VPS13B: variants seen among roughly 807,000 people sequenced by gnomAD.
The protein encoded by VPS13B is intermembrane lipid transfer protein VPS13B.
In VPS13B, 285 loss-of-function variants were observed where a neutral mutation model predicts 426.4. That is an observed-to-expected ratio of 0.67 (90% CI 0.61 to 0.74). VPS13B has a LOEUF of 0.74. Among genes scored for constraint, VPS13B ranks in the 30% least tolerant of loss-of-function variants. The pLI is 0.00. For missense variants in VPS13B, 4,537 were observed against 4,782.6 expected (o/e 0.95, Z 1.51); for synonymous variants, 1,676 against 1,676.4 (o/e 1.00, Z 0.01).
Position 99,143,065 on chromosome 8 carries a change from T to C in VPS13B, c.1743T>C (p.Pro581=), listed in dbSNP as rs781347697. Residue 581 remains proline, a synonymous_variant, in exon 13 of 62, where the codon CCT becomes CCC. Coordinates refer to ENST00000357162, the MANE Select transcript of VPS13B (RefSeq NM_152564.5). ...EKSTKSLVIG[P]LDFRLDSSAV... ...CCACCAAAAGCCTTGTTATAGGTCCTCTTGATTTTCGTTTGGATAGCAGTG... is the reference window on the plus strand; with the variant it reads ...CCACCAAAAGCCTTGTTATAGGTCCCCTTGATTTTCGTTTGGATAGCAGTG... 6.2e-7 allele frequency: 1 copy of C among 1,614,078 alleles called. No individual in the cohort carries two copies. Among genetic ancestry groups the C allele is most frequent in the Non-Finnish European group, 8.5e-7 (1 of 1,179,964 alleles).
intron 44 of VPS13B, among the ~76,000 whole-genome samples, chr8:99,815,912 G>T (rs1408568643): frequency 6.6e-6 from 1 of 152,126 alleles, no homozygotes; most frequent in Non-Finnish European, 1.5e-5. Context: ...GTTCACTGCA[G>T]CCTTGAACTC....
chr8:99,765,373 G>A (rs73271380), intron 39 of VPS13B, among the ~76,000 whole-genome samples: 2,522 of 152,316 alleles, frequency 0.017, 64 homozygotes, highest in African/African-American at 0.058. Context: ...TATTGGTGAA[G>A]TTGAGTATCT....
chr8:99,753,487 C>T (rs1419707686), intron 39 of VPS13B, among the ~76,000 whole-genome samples: 2 of 152,180 alleles, frequency 1.3e-5, no homozygotes, highest in Non-Finnish European at 2.9e-5. Flanking sequence ...TTTGTAGTCT[C>T]ATTAAAAGAC....
At chr8:99,692,823 G>A (rs1831745694) in intron 35 of VPS13B, among the ~76,000 whole-genome samples, 1 of 146,540 alleles carries the variant, frequency 6.8e-6, no homozygotes, top group African/African-American at 2.6e-5. Context: ...AAAAAAGAGA[G>A]AAGAATCAAA....
chr8:99,839,249 T>C (rs1815553088), intron 54 of VPS13B, among the ~76,000 whole-genome samples: 1 of 152,206 alleles, frequency 6.6e-6, no homozygotes, highest in African/African-American at 2.4e-5. Context: ...CTGCTGTTTC[T>C]TCGCAAATGG....
chr8:99,070,477 T>C (rs1844797583), intron 3 of VPS13B, among the ~76,000 whole-genome samples: 1 of 152,246 alleles, frequency 6.6e-6, no homozygotes, highest in South Asian at 2.1e-4. Context: ...CTACAACTGC[T>C]TGAGATTAAG....
chr8:99,458,986 T>A (rs933798674), intron 23 of VPS13B, among the ~76,000 whole-genome samples: 1 of 152,206 alleles, frequency 6.6e-6, no homozygotes. Flanking sequence ...AGTCATGAAG[T>A]CCTTGCCCAT....
chr8:99,804,939 G>T (rs1282264224), intron 43 of VPS13B, among the ~76,000 whole-genome samples: 1 of 152,040 alleles, frequency 6.6e-6, no homozygotes, highest in African/African-American at 2.4e-5. Context: ...TTTCAAGGTT[G>T]CAGTGAGCTA....
intron 36 of VPS13B, among the ~76,000 whole-genome samples, chr8:99,703,098 A>G (rs1018553311): frequency 6.6e-6 from 1 of 152,192 alleles, no homozygotes; most frequent in Non-Finnish European, 1.5e-5. Context: ...GGGCATTCCG[A>G]ATACATTTAA....
intron 14 of VPS13B, among the ~76,000 whole-genome samples, chr8:99,151,934 T>G (rs1190931264): frequency 4.6e-5 from 7 of 152,222 alleles, no homozygotes; most frequent in Non-Finnish European, 8.8e-5. Flanking sequence ...TCTCTTACAC[T>G]TTTTCTTAGC....
chr8:99,666,649 G>A (rs983104002), intron 35 of VPS13B, among the ~76,000 whole-genome samples: 2 of 152,052 alleles, frequency 1.3e-5, no homozygotes, highest in African/African-American at 2.4e-5. Flanking sequence ...GGTATTGATG[G>A]GTCATATCTC....
rs148887301 is a variant in VPS13B at position 99,091,064 on chromosome 8, T to C, written c.292-5248T>C. On this transcript the variant is annotated intron_variant, in intron 3 of 61. Coordinates refer to ENST00000357162, the MANE Select transcript of VPS13B (RefSeq NM_152564.5). ...TTCATAACATGTTTTGCAATTTCTC[T>C]GATATATGTTCTGGCATAGTTTAAT... Among the ~76,000 whole-genome samples, 1,030 of 152,322 alleles carry C rather than the reference T, an allele frequency of 6.8e-3. 10 individuals carry two copies. Among genetic ancestry groups the C allele is most frequent in the African/African-American group, 0.021 (891 of 41,582 alleles).
intron 44 of VPS13B, among the ~76,000 whole-genome samples, chr8:99,814,793 C>T (rs1400820767): frequency 6.6e-6 from 1 of 152,058 alleles, no homozygotes; most frequent in African/African-American, 2.4e-5. Flanking sequence ...AAGGAGAGAA[C>T]AGCTATTGGG....
chr8:99,210,629 G>A (rs1434103038), intron 17 of VPS13B, among the ~76,000 whole-genome samples: 1 of 152,034 alleles, frequency 6.6e-6, no homozygotes, highest in African/African-American at 2.4e-5. Context: ...TTTTGAGACA[G>A]AGTTTTATTT....
At chr8:99,833,801 A>G (rs1393966136) in intron 52 of VPS13B, among the ~76,000 whole-genome samples, 1 of 152,266 alleles carries the variant, frequency 6.6e-6, no homozygotes, top group East Asian at 1.9e-4. Flanking sequence ...ATACTAAGCT[A>G]GATATTGGAC....
chr8:99,385,793 G>A (rs544794176), intron 20 of VPS13B, among the ~76,000 whole-genome samples: 1 of 152,166 alleles, frequency 6.6e-6, no homozygotes, highest in Non-Finnish European at 1.5e-5. Flanking sequence ...TTCTAGGAGT[G>A]AGACAGACAG....
chr8:99,830,688 G>A (rs1465078819), intron 51 of VPS13B, among the ~76,000 whole-genome samples: 1 of 152,124 alleles, frequency 6.6e-6, no homozygotes, highest in Non-Finnish European at 1.5e-5. Flanking sequence ...CTGCCCAAAT[G>A]GCCGCCTGGT....
At chr8:99,498,786 A>C (rs984614292) in intron 25 of VPS13B, among the ~76,000 whole-genome samples, 2 of 152,136 alleles carry the variant, frequency 1.3e-5, no homozygotes, top group South Asian at 2.1e-4. Flanking sequence ...AAGCTTAAGT[A>C]CTGAGCTTAA....
chr8:99,287,664 G>T (rs1373491776), intron 19 of VPS13B, among the ~76,000 whole-genome samples: 1 of 151,786 alleles, frequency 6.6e-6, no homozygotes, highest in Non-Finnish European at 1.5e-5. Flanking sequence ...ATACACCATA[G>T]GAAAATGGCC....
Sources: allele counts gnomAD v4.1 joint callset (sites outside exome capture counted in the v4.1 genomes callset), GRCh38; gene constraint gnomAD v4.1.1; transcripts MANE v1.5; gene names NCBI Gene and HGNC (gene_info 2026-07-23, HGNC 2026-07-21).